The following CSTF2 variants were observed in gnomAD, a reference collection of about 807,000 sequenced individuals.
CSTF2 encodes the protein cleavage stimulation factor subunit 2.
In CSTF2, 8 loss-of-function variants were observed where a neutral mutation model predicts 45.4. That is an observed-to-expected ratio of 0.18 (90% CI 0.10 to 0.32). The LOEUF is 0.32. CSTF2 is among the 10% of genes least tolerant of loss of function. CSTF2 has a pLI of 1.00. For missense variants in CSTF2, 253 were observed against 477.1 expected, an observed-to-expected ratio of 0.53 and a Z score of 4.38; for synonymous variants, 155 against 158.9, an observed-to-expected ratio of 0.98 and a Z score of 0.18.
intron 1 of CSTF2, among the ~76,000 whole-genome samples, chrX:100,820,857 C>T (rs1364423478): frequency 1.8e-5 from 2 of 112,079 alleles, no homozygotes; most frequent in Admixed American, 9.4e-5. Context: ...ACTGTCCTCT[C>T]CTAAGGACTT....
At chrX:100,820,788 T>G in intron 1 of CSTF2, 1 of 404,565 alleles carries the variant, frequency 2.5e-6, no homozygotes, top group Middle Eastern at 4.9e-4. Context: ...GTACTACTTC[T>G]CATCCTCTGC....
At chrX:100,840,034 T>C (rs2085031195) in intron 13 of CSTF2, among the ~76,000 whole-genome samples, 1 of 112,056 alleles carries the variant, frequency 8.9e-6, no homozygotes, top group Non-Finnish European at 1.9e-5. Context: ...TCACCCAGTG[T>C]AGTGCAAAAC....
At chrX:100,830,877 G>A in intron 8 of CSTF2, 3 of 1,143,812 alleles carry the variant, frequency 2.6e-6, no homozygotes, top group Non-Finnish European at 3.5e-6. Flanking sequence ...GGTACCCATT[G>A]TATCTGTGGG....
intron 7 of CSTF2, among the ~76,000 whole-genome samples, chrX:100,827,659 G>A (rs2084952376): frequency 8.9e-6 from 1 of 111,921 alleles, no homozygotes; most frequent in African/African-American, 3.2e-5. Context: ...GGAATTTTTT[G>A]TATCTACTTT....
At chrX:100,837,305 G>A in intron 11 of CSTF2, 34 bp from the exon 12 acceptor site, 2 of 1,089,430 alleles carry the variant, frequency 1.8e-6, no homozygotes, top group Non-Finnish European at 2.5e-6. Flanking sequence ...CATTAAAAAT[G>A]CCAAAAATCT....
chrX:100,832,637 A>T, intron 9 of CSTF2, 97 bp from the exon 10 acceptor site: 1 of 717,563 alleles, frequency 1.4e-6, no homozygotes, highest in Non-Finnish European at 2.0e-6. Context: ...TTCATAGACT[A>T]CATCAGCTCT....
chrX:100,837,379 T>C lies in CSTF2; in HGVS notation c.1541T>C (p.Ile514Thr). ...MQGTGMQGAS[I>T]QGGSQPGGFS... The stretch of plus-strand genomic sequence containing the variant: ...GGAACAGGAATGCAAGGAGCAAGTA[T>C]ACAGGGTGGAAGCCAGCCTGGCGGC... The change falls in exon 12 of 14, where the codon ATA becomes ACA. Residue 514 changes from isoleucine (I) to threonine (T), a missense_variant. Physicochemically the swap from Ile to Thr is moderately conservative, Grantham distance 89 (BLOSUM62 -1). Around this residue, in one of 3 missense-constraint regions of CSTF2, gnomAD observed 200 missense variants for 294.0 expected, o/e 0.68. Transcript: ENST00000372972. 9 of 1,210,932 alleles carry C rather than the reference T, an allele frequency of 7.4e-6. No individual in the cohort carries two copies. The highest frequency in any genetic ancestry group is 8.9e-6 in the Non-Finnish European group (8 of 894,762).
At position 100,841,243 on chromosome X, in the gene CSTF2, G is replaced by A. The variant is rs1414502703; in HGVS notation, c.*533G>A. 8.9e-6 allele frequency among the ~76,000 whole-genome samples: 1 copy of A among 112,436 alleles called. No individual in the cohort carries two copies. The highest frequency in any genetic ancestry group is 1.9e-5 in the Non-Finnish European group (1 of 53,310). On this transcript the variant is annotated 3_prime_UTR_variant, in exon 14 of 14. Coordinates refer to ENST00000372972, the MANE Select transcript of CSTF2 (RefSeq NM_001325.3). ...CTTAGAGCTATAAAATGGTCAGAAG[G>A]CTAACAGAGCAAAGAGCCTAGCACA...
intron 6 of CSTF2, 84 bp downstream of exon 6, chrX:100,824,341 G>A: frequency 1.3e-5 from 13 of 976,059 alleles, no homozygotes; most frequent in Non-Finnish European, 1.8e-5. Context: ...AAGAAGAATG[G>A]TCAGGAACCA....
chrX:100,827,440 C>T (rs2084951327), intron 7 of CSTF2, among the ~76,000 whole-genome samples: 1 of 111,978 alleles, frequency 8.9e-6, no homozygotes, highest in Non-Finnish European at 1.9e-5. Context: ...TCTGTATGAA[C>T]ACATGATGTA....
intron 8 of CSTF2, among the ~76,000 whole-genome samples, 194 bp from the exon 9 acceptor site, chrX:100,831,321 C>T (rs2084974191): frequency 8.9e-6 from 1 of 112,022 alleles, no homozygotes; most frequent in African/African-American, 3.2e-5. Flanking sequence ...TTATATAATT[C>T]CATCCATACC....
intron 12 of CSTF2, among the ~76,000 whole-genome samples, chrX:100,837,813 G>A (rs1299981353): frequency 9.0e-6 from 1 of 111,136 alleles, no homozygotes; most frequent in Non-Finnish European, 1.9e-5. Flanking sequence ...ATATCTTTCT[G>A]TTTTTATATT....
Position 100,820,431 on chromosome X carries a change from T to G in CSTF2, c.15T>G (p.Thr5=). The part of the protein sequence containing the change: MAGL[T]VRDPAVDRSL... ...TCAACAGAGCTATGGCGGGTTTGACTGTGAGAGACCCAGCGGTGGATCGTT... is the reference window on the plus strand; with the variant it reads ...TCAACAGAGCTATGGCGGGTTTGACGGTGAGAGACCCAGCGGTGGATCGTT... The change falls in exon 1 of 14, where the codon ACT becomes ACG. Residue 5 remains threonine, a synonymous_variant. Coordinates refer to ENST00000372972, the MANE Select transcript of CSTF2 (RefSeq NM_001325.3). 8.3e-7 allele frequency: 1 copy of G among 1,212,038 alleles called. No homozygotes were observed. The highest frequency in any genetic ancestry group is 1.1e-6 in the Non-Finnish European group (1 of 895,403).
rs759203507 is a variant in CSTF2 at position 100,827,121 on chromosome X, T to G, written c.826+364T>G. 8.9e-5 allele frequency among the ~76,000 whole-genome samples: 10 copies of G among 111,958 alleles called. No individual in the cohort carries two copies. The South Asian group carries it at 3.7e-3, about 42-fold the overall frequency. ...GTAAGATGGAAGGAATAAAAACTAA[T>G]GTAGTTGTTACTCTGCTAAATATGA... On this transcript the variant is annotated intron_variant, in intron 7 of 13. Transcript: ENST00000372972.
At chrX:100,835,665 T>C (rs1196067646) in intron 11 of CSTF2, among the ~76,000 whole-genome samples, 1 of 110,288 alleles carries the variant, frequency 9.1e-6, no homozygotes, top group Non-Finnish European at 1.9e-5. Flanking sequence ...ATTACTAGGG[T>C]GATTATATAA....
chrX:100,836,217 A>C (rs779499966), intron 11 of CSTF2, among the ~76,000 whole-genome samples: 1 of 112,682 alleles, frequency 8.9e-6, no homozygotes, highest in Non-Finnish European at 1.9e-5. Flanking sequence ...TAACTTTTTT[A>C]ATAAAAAATT....
chrX:100,830,047 G>A (rs1016826156), intron 8 of CSTF2, among the ~76,000 whole-genome samples: 1 of 111,864 alleles, frequency 8.9e-6, no homozygotes, highest in Non-Finnish European at 1.9e-5. Context: ...TGCCTAGTTT[G>A]TCTTACTTTT....
chrX:100,828,010 G>GT, intron 7 of CSTF2, 30 bp from the exon 8 acceptor site: 1 of 1,183,411 alleles, frequency 8.5e-7, no homozygotes, highest in Non-Finnish European at 1.1e-6. Context: ...TCTAATTGGT[G>GT]TTTTTTCTTG....
At position 100,833,225 on chromosome X, in the gene CSTF2, G is replaced by A. The variant is rs948253489; in HGVS notation, c.1253G>A (p.Arg418Gln). 8 of 1,210,997 alleles carry A rather than the reference G, an allele frequency of 6.6e-6. No homozygotes were observed. Among genetic ancestry groups the A allele is most frequent in the Middle Eastern group, 2.3e-4 (1 of 4,353 alleles). Residue 418 changes from arginine to glutamine, a missense_variant, in exon 11 of 14, where the codon CGA (arginine) becomes CAA (glutamine). Physicochemically the swap from Arg to Gln is conservative, Grantham distance 43. This residue lies in a region of CSTF2 where 200 missense variants were observed against 294.0 expected (regional missense o/e 0.68). Transcript: ENST00000372972. Reference sequence around the variant, plus strand: ...ATAGATGCACGAGGGATGGAGGCCCGAGCCATGGAGGCAAGAGGGTTAGAT... The same window carrying A: ...ATAGATGCACGAGGGATGGAGGCCCAAGCCATGGAGGCAAGAGGGTTAGAT... Reference protein sequence around the residue: ...RGIDARGMEARAMEARGLDAR... With the variant: ...RGIDARGMEAQAMEARGLDAR...
Sources: gnomAD v4.1 joint callset for allele counts (sites outside exome capture counted in the v4.1 genomes callset) on GRCh38, gnomAD v4.1.1 for gene constraint, gnomAD v4.1.1 regional missense constraint, MANE v1.5 for transcripts, NCBI Gene and HGNC (gene_info 2026-07-23, HGNC 2026-07-21) for gene names.